Variants in ARPC2 observed in about 807,000 individuals in gnomAD.
ARPC2 encodes the protein actin related protein 2/3 complex subunit 2, also known as actin-related protein 2/3 complex subunit 2.
In ARPC2, 4 loss-of-function variants were observed where a neutral mutation model predicts 38.6. The observed-to-expected ratio is 0.10, with a 90% CI of 0.05 to 0.24. ARPC2 has a LOEUF of 0.24. Among genes scored for constraint, ARPC2 ranks in the 10% least tolerant of loss-of-function variants. The pLI is 1.00. For missense variants in ARPC2, 229 were observed against 387.3 expected, an observed-to-expected ratio of 0.59 and a Z score of 3.43; for synonymous variants, 125 against 140.8, an observed-to-expected ratio of 0.89 and a Z score of 0.79.
chr2:218,246,926 C>T (rs536407111), intron 8 of ARPC2, among the ~76,000 whole-genome samples: 84 of 152,102 alleles, frequency 5.5e-4, no homozygotes, highest in African/African-American at 1.8e-3. Context: ...TGCAGCAAGC[C>T]GAGATCATCC....
chr2:218,227,193 C>T (rs920464927), intron 3 of ARPC2: 2 of 327,122 alleles, frequency 6.1e-6, no homozygotes, highest in Admixed American at 3.9e-5. Context: ...GCACTCAGCA[C>T]CTAATTCTAG....
intron 5 of ARPC2, 33 bp from the exon 6 acceptor site, chr2:218,238,631 G>GTTTTT: frequency 1.2e-6 from 1 of 807,552 alleles, no homozygotes. Context: ...CTGCTGGGTT[G>GTTTTT]TTTTTTGTTT....
chr2:218,250,383 G>GAT (rs1690156423), intron 10 of ARPC2, among the ~76,000 whole-genome samples: 1 of 152,088 alleles, frequency 6.6e-6, no homozygotes, highest in Non-Finnish European at 1.5e-5. Flanking sequence ...GGAGAGCCGT[G>GAT]ACGGGCGCTG....
intron 2 of ARPC2, among the ~76,000 whole-genome samples, chr2:218,221,808 A>G (rs1443490667): frequency 1.3e-5 from 2 of 152,146 alleles, no homozygotes; most frequent in Non-Finnish European, 2.9e-5. Context: ...ACCACCTCTT[A>G]CCTAATATGA....
rs758995418 is a variant in ARPC2, at chr2:218,249,836, C to T, written c.793C>T (p.Arg265Cys). ...IKCSKAYIHT[R>C]MRAKTSDFLK... is the part of the protein sequence containing the mutation. ...TTGTTCCCAGGCCTATATTCACACA[C>T]GTATGCGGGCGAAAACGTCTGACTT... is the stretch of plus-strand genomic sequence containing the variant. Residue 265 changes from arginine (R) to cysteine (C), a missense_variant, in exon 10 of 11, where the codon CGT (arginine) becomes TGT (cysteine). Arg to Cys is a radical substitution (Grantham distance 180). Around this residue, in one of 3 missense-constraint regions of ARPC2, gnomAD observed 92 missense variants for 152.3 expected, o/e 0.60. Transcript: ENST00000315717. 8 of 1,613,584 alleles carry T rather than the reference C, an allele frequency of 5.0e-6. No individual in the cohort carries two copies. Among genetic ancestry groups the T allele is most frequent in the South Asian group, 2.2e-5 (2 of 90,970 alleles).
chr2:218,235,904 C>T (rs984403664), intron 5 of ARPC2: 3 of 151,574 alleles, frequency 2.0e-5, no homozygotes, highest in African/African-American at 7.3e-5. Flanking sequence ...GCCTGGGCAG[C>T]ATAATGAGAT....
At chr2:218,239,369 T>C in intron 6 of ARPC2, 22 bp from the exon 7 acceptor site, 1 of 1,549,298 alleles carries the variant, frequency 6.5e-7, no homozygotes, top group Non-Finnish European at 8.9e-7. Flanking sequence ...GTACTTATCC[T>C]CATGGATTTT....
chr2:218,227,593 ATTTTTT>A (rs113665206), intron 3 of ARPC2, among the ~76,000 whole-genome samples: 1 of 132,324 alleles, frequency 7.6e-6, no homozygotes, highest in African/African-American at 2.8e-5. Flanking sequence ...CACCCGGCTA[ATTTTTT>A]TTTTTTTTCC....
intron 2 of ARPC2, among the ~76,000 whole-genome samples, chr2:218,219,428 C>T (rs1040358468): frequency 6.6e-6 from 1 of 151,826 alleles, no homozygotes; most frequent in Non-Finnish European, 1.5e-5. Flanking sequence ...CTGCTCACTG[C>T]AACCTCGCCC....
chr2:218,249,648 C>A, intron 9 of ARPC2, 173 bp from the exon 10 acceptor site: 1 of 748,244 alleles, frequency 1.3e-6, no homozygotes, highest in Non-Finnish European at 2.2e-6. Flanking sequence ...CTCCCTATAG[C>A]AGAGATGAAT....
intron 2 of ARPC2, among the ~76,000 whole-genome samples, chr2:218,220,112 C>G (rs540939152): frequency 7.9e-5 from 12 of 152,166 alleles, no homozygotes; most frequent in Admixed American, 2.6e-4. Flanking sequence ...TAGGGAGGTG[C>G]TAAGGGGTGA....
chr2:218,231,243 G>A (rs1368136255), intron 4 of ARPC2, among the ~76,000 whole-genome samples: 2 of 152,154 alleles, frequency 1.3e-5, no homozygotes, highest in African/African-American at 4.8e-5. Context: ...GGGAGAGGGG[G>A]TACAAACTGA....
intron 2 of ARPC2, 118 bp downstream of exon 2, chr2:218,217,662 A>AT: frequency 9.0e-7 from 1 of 1,109,674 alleles, no homozygotes; most frequent in East Asian, 2.6e-5. Flanking sequence ...GGCAGGGTGT[A>AT]GGGGCTGCCC....
intron 7 of ARPC2, among the ~76,000 whole-genome samples, chr2:218,241,278 C>G (rs931819479): frequency 2.6e-5 from 4 of 152,190 alleles, no homozygotes; most frequent in Non-Finnish European, 5.9e-5. Context: ...CTCAACTGCT[C>G]CATCCCTAGT....
chr2:218,245,159 A>G (rs17462354), intron 7 of ARPC2, among the ~76,000 whole-genome samples: 8,080 of 152,338 alleles, frequency 0.053, 319 homozygotes, highest in Middle Eastern at 0.085. Context: ...GTTAGTGCAA[A>G]GGAAAAGGAT....
chr2:218,254,288 A>G lies in ARPC2; in HGVS notation c.*373A>G, dbSNP rs1690264603. The G allele has an allele frequency of 2.0e-5, 4 of 200,386 alleles. 1 individual carries two copies. The South Asian group carries it at 3.7e-4, about 18-fold the overall frequency. 12.4% of individuals were successfully genotyped at this position (200,386 alleles called of 1,614,324 possible). On this transcript the variant is annotated 3_prime_UTR_variant, in exon 11 of 11. Coordinates refer to ENST00000315717, the MANE Select transcript of ARPC2 (RefSeq NM_152862.3). The stretch of plus-strand genomic sequence containing the variant: ...GTTTTCTCCTAAGTATTTGAGTTCA[A>G]AACTCCTGTATCTAAAGAAATACGG...
At chr2:218,241,381 T>C (rs1418552682) in intron 7 of ARPC2, among the ~76,000 whole-genome samples, 2 of 152,312 alleles carry the variant, frequency 1.3e-5, no homozygotes, top group East Asian at 3.9e-4. Flanking sequence ...TTGCTAGTGC[T>C]GAACTTGATG....
At chr2:218,250,988 A>T (rs1690175233) in intron 10 of ARPC2, among the ~76,000 whole-genome samples, 1 of 151,730 alleles carries the variant, frequency 6.6e-6, no homozygotes, top group South Asian at 2.1e-4. Flanking sequence ...GGTGCACACC[A>T]CCACGCCCGG....
intron 2 of ARPC2, among the ~76,000 whole-genome samples, 177 bp from the exon 3 acceptor site, chr2:218,225,743 A>G (rs1235426192): frequency 6.6e-6 from 1 of 152,230 alleles, no homozygotes; most frequent in Non-Finnish European, 1.5e-5. Context: ...CTCTACTTAA[A>G]GCAAGTCCAA....
Sources: gnomAD v4.1 joint callset for allele counts (sites outside exome capture counted in the v4.1 genomes callset) on GRCh38, gnomAD v4.1.1 for gene constraint, gnomAD v4.1.1 regional missense constraint, MANE v1.5 for transcripts, NCBI Gene and HGNC (gene_info 2026-07-23, HGNC 2026-07-21) for gene names.